Variants in CDH12 observed in about 807,000 individuals in gnomAD.
CDH12 encodes cadherin-12.
Under a neutral mutation model 74.1 loss-of-function variants are expected in CDH12, and 41 were observed. The ratio of observed to expected loss-of-function variants is 0.55; its 90% CI spans 0.43 to 0.72. The LOEUF is 0.72. Among genes scored for constraint, CDH12 ranks in the 30% least tolerant of loss-of-function variants. CDH12 has a pLI of 0.00. For missense variants in CDH12, 945 were observed against 977.2 expected (o/e 0.97, Z 0.44); for synonymous variants, 399 against 355.0 (o/e 1.12, Z -1.39).
rs1738900447 is a variant in CDH12 at position 22,032,719 on chromosome 5, A to AT, written c.231+45726dup. Among the ~76,000 whole-genome samples, 9 of 148,054 alleles carry AT rather than the reference A, an allele frequency of 6.1e-5. No homozygotes were observed. The South Asian group carries it at 1.9e-3, about 31-fold the overall frequency. ...TGAGATTCCATCTCAAAAAAAAAAA[A>AT]TGTATATACATATTTTTGTATATAT... On this transcript the variant is annotated intron_variant, in intron 5 of 14. Coordinates refer to ENST00000382254, the MANE Select transcript of CDH12 (RefSeq NM_004061.5).
intron 1 of CDH12, among the ~76,000 whole-genome samples, chr5:22,798,981 G>A (rs1241255271): frequency 6.6e-6 from 1 of 152,100 alleles, no homozygotes; most frequent in Admixed American, 6.6e-5. Flanking sequence ...GCTGGGTGTG[G>A]CAGTGCATAC....
chr5:21,804,801 C>T (rs1747341847), intron 9 of CDH12, among the ~76,000 whole-genome samples: 1 of 151,852 alleles, frequency 6.6e-6, no homozygotes, highest in Non-Finnish European at 1.5e-5. Flanking sequence ...AGAATATTGC[C>T]ATCTTGCTTA....
intron 2 of CDH12, among the ~76,000 whole-genome samples, chr5:22,476,055 C>T (rs1202683397): frequency 6.6e-6 from 1 of 151,982 alleles, no homozygotes; most frequent in Admixed American, 6.5e-5. Context: ...AATTATTCCT[C>T]CCTTCATGTA....
intron 8 of CDH12, among the ~76,000 whole-genome samples, chr5:21,829,359 GC>G (rs1337794428): frequency 1.3e-5 from 2 of 152,088 alleles, no homozygotes. Context: ...TTTTACACTA[GC>G]TTTTAAAGAG....
At chr5:22,158,036 C>T (rs1748131998) in intron 4 of CDH12, among the ~76,000 whole-genome samples, 1 of 151,826 alleles carries the variant, frequency 6.6e-6, no homozygotes, top group East Asian at 1.9e-4. Flanking sequence ...TGTACTCATA[C>T]CTAGTCATGA....
intron 6 of CDH12, among the ~76,000 whole-genome samples, chr5:21,919,410 T>C (rs544660351): frequency 4.3e-4 from 66 of 152,292 alleles, no homozygotes; most frequent in South Asian, 8.3e-4. Flanking sequence ...CTTTAGGAAA[T>C]TTAAACATGT....
At chr5:22,701,417 TA>T (rs1015439872) in intron 1 of CDH12, among the ~76,000 whole-genome samples, 5 of 151,296 alleles carry the variant, frequency 3.3e-5, no homozygotes, top group Non-Finnish European at 5.9e-5. Flanking sequence ...GCAATAAGAT[TA>T]AAAAAAAAGA....
At chr5:22,425,310 T>C (rs1040765976) in intron 2 of CDH12, among the ~76,000 whole-genome samples, 3 of 151,226 alleles carry the variant, frequency 2.0e-5, no homozygotes, top group African/African-American at 7.3e-5. Context: ...AGTGTGGTAG[T>C]TTACATTTTA....
intron 3 of CDH12, among the ~76,000 whole-genome samples, chr5:22,347,874 A>T (rs1740184188): frequency 1.3e-5 from 2 of 152,254 alleles, no homozygotes; most frequent in Non-Finnish European, 2.9e-5. Context: ...CCCCATGTGG[A>T]TTTCAACATT....
At chr5:22,023,579 C>CTATA (rs531676415) in intron 5 of CDH12, among the ~76,000 whole-genome samples, 9 of 148,330 alleles carry the variant, frequency 6.1e-5, no homozygotes, top group African/African-American at 2.0e-4. Context: ...TTCTCTCTCT[C>CTATA]TATATATATA....
At chr5:22,306,152 A>C (rs1215704278) in intron 3 of CDH12, among the ~76,000 whole-genome samples, 1 of 152,156 alleles carries the variant, frequency 6.6e-6, no homozygotes, top group Non-Finnish European at 1.5e-5. Flanking sequence ...CTACTACAAG[A>C]ACCCTTCTGC....
intron 6 of CDH12, among the ~76,000 whole-genome samples, chr5:21,915,721 G>C (rs1265769271): frequency 6.6e-6 from 1 of 151,890 alleles, no homozygotes; most frequent in Non-Finnish European, 1.5e-5. Context: ...AATGGTGTAG[G>C]GTATGGAGGG....
chr5:22,374,154 C>CAATATACA lies in CDH12; in HGVS notation c.-333+31095_-333+31102dup, dbSNP rs568010017. On this transcript the variant is annotated intron_variant, in intron 3 of 14. Coordinates refer to ENST00000382254, the MANE Select transcript of CDH12 (RefSeq NM_004061.5). ...ATACTAGGAATGCCAAAATGGTTCA[C>CAATATACA]AATATACAAATCAATAAATGTGATA... Among the ~76,000 whole-genome samples the CAATATACA allele has an allele frequency of 1.6e-3, 240 of 151,936 alleles. 1 individual carries two copies. Among genetic ancestry groups the CAATATACA allele is most frequent in the African/African-American group, 5.5e-3 (227 of 41,470 alleles).
At chr5:22,268,242 T>C (rs1290246315) in intron 3 of CDH12, among the ~76,000 whole-genome samples, 2 of 152,082 alleles carry the variant, frequency 1.3e-5, no homozygotes, top group Non-Finnish European at 2.9e-5. Flanking sequence ...CTCTCTTTCA[T>C]ACACACAAAC....
At chr5:22,422,479 T>C (rs962952969) in intron 2 of CDH12, among the ~76,000 whole-genome samples, 2 of 152,118 alleles carry the variant, frequency 1.3e-5, no homozygotes, top group Admixed American at 1.3e-4. Context: ...TTTGCCAGTA[T>C]TTTTTTGAAG....
intron 1 of CDH12, among the ~76,000 whole-genome samples, chr5:22,747,094 G>A (rs1745329693): frequency 1.3e-5 from 2 of 152,114 alleles, no homozygotes; most frequent in Non-Finnish European, 2.9e-5. Flanking sequence ...GATCTTGAAA[G>A]TGATGTGTAC....
chr5:22,353,877 G>A (rs572688960), intron 3 of CDH12, among the ~76,000 whole-genome samples: 2 of 152,170 alleles, frequency 1.3e-5, no homozygotes, highest in Admixed American at 6.5e-5. Context: ...TGCAACCCTG[G>A]TACATGGATT....
chr5:22,238,399 A>T (rs1488392745), intron 3 of CDH12, among the ~76,000 whole-genome samples: 1 of 152,190 alleles, frequency 6.6e-6, no homozygotes, highest in Non-Finnish European at 1.5e-5. Flanking sequence ...TAAGAACTCA[A>T]ATGGATAATG....
In CDH12 at chr5:22,373,601, A is replaced by G. The variant is rs544319363; in HGVS notation, c.-333+31656T>C. Among the ~76,000 whole-genome samples the G allele has an allele frequency of 2.6e-5, 4 of 152,292 alleles. No homozygotes were observed. The East Asian group carries it at 5.8e-4, about 22-fold the overall frequency. The stretch of plus-strand genomic sequence containing the variant: ...CAAAGACTGGCCTACATGACATTCT[A>G]TTCCCCAGCAAAACTTCACCACAGT... On this transcript the variant is annotated intron_variant, in intron 3 of 14. Transcript: ENST00000382254.
Sources: allele counts gnomAD v4.1 joint callset (sites outside exome capture counted in the v4.1 genomes callset), GRCh38; gene constraint gnomAD v4.1.1; transcripts MANE v1.5; gene names NCBI Gene and HGNC (gene_info 2026-07-23, HGNC 2026-07-21).